The following SPEF2 variants were observed in gnomAD, a reference collection of about 807,000 sequenced individuals.
The protein encoded by SPEF2 is sperm flagella and cilia-associated protein 2.
SPEF2 carries 187 observed loss-of-function variants against 224.6 expected under a neutral mutation model. The ratio of observed to expected loss-of-function variants is 0.83; its 90% CI spans 0.74 to 0.94. The LOEUF (loss-of-function observed/expected upper bound fraction) is 0.94. Ranked by LOEUF, SPEF2 falls within the 40% of genes least tolerant of loss-of-function variation. The pLI, the probability that SPEF2 is intolerant of heterozygous loss-of-function variation, is 0.00. For synonymous variants in SPEF2, 715 were observed against 707.3 expected, an observed-to-expected ratio of 1.01 and a Z score of -0.17; for missense variants, 2,170 against 2,135.6, an observed-to-expected ratio of 1.02 and a Z score of -0.32.
At chr5:35,809,283 T>TA (rs1178359220) in intron 36 of SPEF2, among the ~76,000 whole-genome samples, 3 of 152,274 alleles carry the variant, frequency 2.0e-5, no homozygotes, top group South Asian at 4.1e-4. Context: ...GTCACTGCTC[T>TA]AAAAAAATTT....
intron 4 of SPEF2, chr5:35,646,447 T>C (rs1747380528): frequency 2.6e-6 from 1 of 389,344 alleles, no homozygotes; most frequent in Non-Finnish European, 4.6e-6. Context: ...TAGATATGAT[T>C]TGCAGATTCC....
intron 10 of SPEF2, chr5:35,670,670 A>G: frequency 5.1e-6 from 5 of 985,718 alleles, no homozygotes; most frequent in Non-Finnish European, 6.0e-6. Flanking sequence ...ATAGATTCAA[A>G]CAATCTTTTA....
chr5:35,646,023 C>T (rs990098200), intron 4 of SPEF2, among the ~76,000 whole-genome samples: 3 of 152,044 alleles, frequency 2.0e-5, no homozygotes, highest in Non-Finnish European at 1.5e-5. Context: ...AAATCATTTA[C>T]TTTTAAAATA....
At chr5:35,776,445 C>A (rs2149793382) in intron 29 of SPEF2, 50 bp downstream of exon 29, 7 of 1,525,596 alleles carry the variant, frequency 4.6e-6, no homozygotes, top group South Asian at 2.6e-5. Flanking sequence ...ATTCTAAGTA[C>A]CAAAATTGAT....
intron 30 of SPEF2, chr5:35,788,941 A>G (rs758763259): frequency 5.7e-6 from 4 of 703,054 alleles, no homozygotes; most frequent in South Asian, 4.4e-5. Flanking sequence ...TGCCTTCTCA[A>G]ATAGGAGACA....
At chr5:35,692,483 T>A in intron 11 of SPEF2, 87 bp from the exon 12 acceptor site, 7 of 989,746 alleles carry the variant, frequency 7.1e-6, no homozygotes, top group Middle Eastern at 3.4e-4. Context: ...TGAAAGACAG[T>A]GTTATAGGAC....
rs546612340 is a variant in SPEF2 at position 35,740,259 on chromosome 5, C to T, written c.3322C>T (p.Arg1108Ter). Reference sequence around the variant, plus strand: ...GGAAACAAAGGCTGAACTACATCAACGAGTGAATGTAAGGAAATAGTGACC... The same window carrying T: ...GGAAACAAAGGCTGAACTACATCAATGAGTGAATGTAAGGAAATAGTGACC... ...DEETKAELHQ[R>*]VNDLRDRLWD... The change falls in exon 23 of 37, where the codon CGA (arginine) becomes TGA (stop). Residue 1108 changes from arginine (R) to a stop codon, truncating the protein, a stop_gained. Coordinates refer to ENST00000356031, the MANE Select transcript of SPEF2 (RefSeq NM_024867.4). LOFTEE classifies it high-confidence loss of function. The T allele has an allele frequency of 9.3e-6, 15 of 1,613,938 alleles. No individual in the cohort carries two copies. Among genetic ancestry groups the T allele is most frequent in the African/African-American group, 1.3e-5 (1 of 75,000 alleles).
In SPEF2 at chr5:35,667,169, A is replaced by G. The variant is rs1283666706; in HGVS notation, c.1265A>G (p.Tyr422Cys). 6.2e-7 allele frequency: 1 copy of G among 1,612,776 alleles called. No individual in the cohort carries two copies. The highest frequency in any genetic ancestry group is 1.7e-5 in the Admixed American group (1 of 59,858). The change falls in exon 9 of 37, where the codon TAT becomes TGT. Residue 422 changes from tyrosine to cysteine, a missense_variant. Transcript: ENST00000356031. ...GCTGTGGAAAGAGCTCAAGCTCGTT[A>G]TGAAAAGCATTATTCAGTATGTGCA... is the stretch of plus-strand genomic sequence containing the variant. ...QIAVERAQAR[Y>C]EKHYSVCAEI...
chr5:35,714,682 T>TTATA (rs1445256914), intron 20 of SPEF2, among the ~76,000 whole-genome samples: 1 of 133,132 alleles, frequency 7.5e-6, no homozygotes, highest in Non-Finnish European at 1.6e-5. Flanking sequence ...GGGTTTATTT[T>TTATA]TATTTATTTA....
chr5:35,738,986 C>T (rs1045085132), intron 21 of SPEF2, among the ~76,000 whole-genome samples: 4 of 152,090 alleles, frequency 2.6e-5, no homozygotes, highest in Non-Finnish European at 5.9e-5. Flanking sequence ...TCAATTTTTG[C>T]AGAATTCATG....
At chr5:35,682,916 G>A (rs573935885) in intron 10 of SPEF2, among the ~76,000 whole-genome samples, 1 of 152,250 alleles carries the variant, frequency 6.6e-6, no homozygotes, top group Non-Finnish European at 1.5e-5. Flanking sequence ...CTTGGGCAAC[G>A]TTACAATCAA....
At chr5:35,769,123 A>G (rs1214188169) in intron 26 of SPEF2, among the ~76,000 whole-genome samples, 1 of 152,170 alleles carries the variant, frequency 6.6e-6, no homozygotes, top group Non-Finnish European at 1.5e-5. Context: ...AGGGAAGTGG[A>G]CCAGAAAAAT....
At chr5:35,789,715 A>G (rs1755687874) in intron 30 of SPEF2, 1 of 666,268 alleles carries the variant, frequency 1.5e-6, no homozygotes, top group Non-Finnish European at 2.7e-6. Context: ...GGTAATCTAT[A>G]TGTGCTGACT....
intron 30 of SPEF2, chr5:35,781,387 G>A (rs1754319182): frequency 6.6e-6 from 1 of 152,180 alleles, no homozygotes; most frequent in Non-Finnish European, 1.5e-5. Context: ...ATTGAAGAGG[G>A]TAAAGAGATT....
At chr5:35,664,004 A>G (rs1750087081) in intron 8 of SPEF2, among the ~76,000 whole-genome samples, 2 of 152,028 alleles carry the variant, frequency 1.3e-5, no homozygotes, top group African/African-American at 2.4e-5. Flanking sequence ...TTCTGGCCAC[A>G]TTGGTTTGCT....
intron 30 of SPEF2, chr5:35,789,355 G>A (rs755200722): frequency 1.4e-6 from 1 of 703,448 alleles, no homozygotes. Flanking sequence ...TGCTGGAAAT[G>A]CTCCAAATGT....
At chr5:35,780,286 T>C (rs1754147267) in intron 30 of SPEF2, among the ~76,000 whole-genome samples, 1 of 152,158 alleles carries the variant, frequency 6.6e-6, no homozygotes. Context: ...TTTCCAGAAA[T>C]TCACATCATA....
chr5:35,812,581 C>A (rs1385242473), intron 36 of SPEF2, among the ~76,000 whole-genome samples: 1 of 152,066 alleles, frequency 6.6e-6, no homozygotes, highest in East Asian at 1.9e-4. Context: ...AATGAATAAA[C>A]AATTTTCTCT....
rs189329451 is a variant in SPEF2 at position 35,691,260 on chromosome 5, G to A, written c.1744+4G>A. 5.5e-4 allele frequency: 889 copies of A among 1,610,988 alleles called. 5 individuals are homozygous for A. In the African/African-American group the frequency reaches 0.011, roughly 20 times the overall value. On this transcript the variant is annotated splice_donor_region_variant and intron_variant, in intron 11 of 36. Transcript: ENST00000356031. ...ATTTTAAGGTCTCTACAAAAAGGTA[G>A]AATTTCTTCTCCTACTCTCCCTGCC...
Sources: gnomAD v4.1 joint callset for allele counts (sites outside exome capture counted in the v4.1 genomes callset) on GRCh38, gnomAD v4.1.1 for gene constraint, MANE v1.5 for transcripts, NCBI Gene and HGNC (gene_info 2026-07-23, HGNC 2026-07-21) for gene names.